Variants in RBFOX2 observed in about 807,000 individuals in gnomAD.
RBFOX2 encodes RNA binding fox-1 homolog 2.
Under a neutral mutation model 49.1 loss-of-function variants are expected in RBFOX2, and 10 were observed. The ratio of observed to expected loss-of-function variants is 0.20; its 90% CI spans 0.13 to 0.35. The LOEUF (loss-of-function observed/expected upper bound fraction) is 0.35, where lower values mean the gene tolerates loss of function less well. RBFOX2 is among the 10% of genes least tolerant of loss of function. RBFOX2 has a pLI of 1.00. For missense variants in RBFOX2, 323 were observed against 486.9 expected (o/e 0.66, Z 3.17); for synonymous variants, 183 against 187.4 (o/e 0.98, Z 0.19).
chr22:35,791,304 G>A (rs1602904687), intron 2 of RBFOX2, among the ~76,000 whole-genome samples: 1 of 151,160 alleles, frequency 6.6e-6, no homozygotes, highest in East Asian at 2.0e-4. Context: ...AGAATCACTT[G>A]AACCCAGGAG....
At chr22:35,950,862 GATACAGCAGATCTAT>G (rs2054833659) in intron 1 of RBFOX2, among the ~76,000 whole-genome samples, 1 of 151,618 alleles carries the variant, frequency 6.6e-6, no homozygotes, top group Non-Finnish European at 1.5e-5. Flanking sequence ...TCTTATTATA[GATACAGCAGATCTAT>G]ATCTGCTGTT....
At chr22:35,795,547 A>C (rs976789300) in intron 2 of RBFOX2, among the ~76,000 whole-genome samples, 3 of 150,678 alleles carry the variant, frequency 2.0e-5, no homozygotes, top group Admixed American at 6.7e-5. Flanking sequence ...CAGATAAAGA[A>C]GTCAATGGGC....
In RBFOX2 at chr22:35,862,219, G is replaced by A. The variant is rs6000020; in HGVS notation, c.-33-52215C>T. ...ATTATCTTGGTTGTGGTGATTTCAC[G>A]GGTATATACATATGCCAAAACCTAA... On this transcript the variant is annotated intron_variant, in intron 1 of 13. Transcript: ENST00000359369. Among the ~76,000 whole-genome samples the A allele has an allele frequency of 1.1e-4, 16 of 152,132 alleles. 1 individual carries two copies. The highest frequency in any genetic ancestry group is 3.4e-4 in the African/African-American group (14 of 41,482).
At chr22:35,890,471 GTTTC>G (rs1477509010) in intron 1 of RBFOX2, among the ~76,000 whole-genome samples, 1 of 152,116 alleles carries the variant, frequency 6.6e-6, no homozygotes, top group Non-Finnish European at 1.5e-5. Context: ...CACGAATGTG[GTTTC>G]TTTATCTCTC....
intron 1 of RBFOX2, among the ~76,000 whole-genome samples, chr22:35,829,912 G>A (rs1051965441): frequency 7.9e-5 from 12 of 152,050 alleles, no homozygotes; most frequent in Admixed American, 7.2e-4. Context: ...GCCATTTACC[G>A]TCATACACCC....
intron 1 of RBFOX2, among the ~76,000 whole-genome samples, chr22:35,899,122 A>AATAACATAACGTAAC (rs2048235678): frequency 7.2e-6 from 1 of 139,210 alleles, no homozygotes; most frequent in Non-Finnish European, 1.5e-5. Context: ...CTGTCTCAAA[A>AATAACATAACGTAAC]ATAACATAAC....
chr22:35,747,545 A>C (rs1012684544), intron 9 of RBFOX2: 14 of 152,184 alleles, frequency 9.2e-5, no homozygotes, highest in Admixed American at 4.6e-4. Flanking sequence ...TGAATCATGC[A>C]CTCTTTCAGA....
intron 1 of RBFOX2, chr22:35,821,967 C>A: frequency 3.9e-6 from 2 of 518,684 alleles, no homozygotes; most frequent in South Asian, 2.8e-5. Context: ...GACAGAGAAG[C>A]AATAGCTCTA....
chr22:35,740,445 C>G (rs1250523256), exon 12 of RBFOX2: 1 of 152,612 alleles, frequency 6.6e-6, no homozygotes, highest in African/African-American at 2.4e-5. Context: ...GTCTGATGTT[C>G]ACCTTGCCCA....
chr22:35,794,869 T>C (rs1267798839), intron 2 of RBFOX2, among the ~76,000 whole-genome samples: 5 of 152,216 alleles, frequency 3.3e-5, no homozygotes, highest in East Asian at 3.8e-4. Context: ...AGCAATTTTT[T>C]AGTTTAGTTT....
chr22:35,798,451 A>C (rs1191652875), intron 2 of RBFOX2, among the ~76,000 whole-genome samples: 2 of 152,274 alleles, frequency 1.3e-5, no homozygotes, highest in African/African-American at 2.4e-5. Context: ...GATAACCTGT[A>C]TTTAAATCCT....
At chr22:35,833,142 A>G (rs1333302100) in intron 1 of RBFOX2, among the ~76,000 whole-genome samples, 2 of 152,242 alleles carry the variant, frequency 1.3e-5, no homozygotes, top group Non-Finnish European at 2.9e-5. Flanking sequence ...ATGACAAATC[A>G]TTCATATAAA....
chr22:35,982,791 C>T lies in RBFOX2; in HGVS notation c.187-43894G>A, dbSNP rs568443453. 1.7e-4 allele frequency among the ~76,000 whole-genome samples: 25 copies of T among 149,828 alleles called. No homozygotes were observed. In the South Asian group the frequency reaches 3.2e-3, roughly 19 times the overall value. Reference sequence around the variant, plus strand: ...TTTAACTCTAACAAGCTAAGGGTATCGTTTAAAAAAAAAAAAAACCACTAA... The same window carrying T: ...TTTAACTCTAACAAGCTAAGGGTATTGTTTAAAAAAAAAAAAAACCACTAA... On this transcript the variant is annotated intron_variant, in intron 1 of 13. Transcript: ENST00000438146.
upstream of RBFOX2, among the ~76,000 whole-genome samples, chr22:35,845,329 T>C (rs575077012): frequency 3.6e-4 from 54 of 152,002 alleles, no homozygotes; most frequent in African/African-American, 1.2e-3. Flanking sequence ...CAGCTAACTC[T>C]ATTATTTCCC....
chr22:35,890,280 C>T (rs900709400), intron 1 of RBFOX2, among the ~76,000 whole-genome samples: 10 of 152,126 alleles, frequency 6.6e-5, no homozygotes, highest in Non-Finnish European at 8.8e-5. Context: ...AATGCTAGTA[C>T]AGGTAGTGTC....
intron 2 of RBFOX2, among the ~76,000 whole-genome samples, chr22:35,792,436 T>C (rs1233837046): frequency 1.3e-5 from 2 of 152,124 alleles, no homozygotes; most frequent in South Asian, 4.1e-4. Context: ...AATCAAAATT[T>C]GCACAAAAGT....
intron 6 of RBFOX2, among the ~76,000 whole-genome samples, chr22:35,763,842 GAAAACAGAATTAGGTTAA>G (rs1273072953): frequency 3.9e-5 from 6 of 152,108 alleles, no homozygotes; most frequent in Non-Finnish European, 7.4e-5. Flanking sequence ...TTATAAATAT[GAAAACAGAATTAGGTTAA>G]AAAACTGGTC....
intron 2 of RBFOX2, among the ~76,000 whole-genome samples, chr22:35,809,146 G>C (rs971608761): frequency 6.6e-6 from 1 of 151,610 alleles, no homozygotes; most frequent in African/African-American, 2.4e-5. Flanking sequence ...GTTTGGACTA[G>C]AGCAGTGATG....
At chr22:35,942,575 C>G (rs1340611828), upstream of RBFOX2, among the ~76,000 whole-genome samples, 1 of 151,886 alleles carries the variant, frequency 6.6e-6, no homozygotes, top group African/African-American at 2.4e-5. Context: ...AAGGTAAAAT[C>G]TTTATAAATG....
Sources: allele counts gnomAD v4.1 joint callset (sites outside exome capture counted in the v4.1 genomes callset), GRCh38; gene constraint gnomAD v4.1.1; transcripts MANE v1.5; gene names NCBI Gene and HGNC (gene_info 2026-07-23, HGNC 2026-07-21).